The following SDK1 variants were observed in gnomAD, a reference collection of about 807,000 sequenced individuals.
SDK1 encodes protein sidekick-1.
In SDK1, 157 loss-of-function variants were observed where a neutral mutation model predicts 245.5. That is an observed-to-expected ratio of 0.64 (90% CI 0.56 to 0.73). The LOEUF (loss-of-function observed/expected upper bound fraction) is 0.73, where lower values mean the gene tolerates loss of function less well. Among genes scored for constraint, SDK1 ranks in the 30% least tolerant of loss-of-function variants. SDK1 has a pLI of 0.00. For missense variants in SDK1, 3,583 were observed against 3,002.3 expected (o/e 1.19, Z -4.52); for synonymous variants, 1,647 against 1,278.5 (o/e 1.29, Z -6.15).
At chr7:4,150,698 C>G (rs1250441757) in intron 30 of SDK1, among the ~76,000 whole-genome samples, 7 of 152,252 alleles carry the variant, frequency 4.6e-5, no homozygotes, top group African/African-American at 7.2e-5. Context: ...GAACACCACC[C>G]TGGCCCCACT....
At chr7:3,475,682 G>A (rs1327226902) in intron 1 of SDK1, among the ~76,000 whole-genome samples, 1 of 152,150 alleles carries the variant, frequency 6.6e-6, no homozygotes, top group Non-Finnish European at 1.5e-5. Context: ...GGGGAGAATG[G>A]TATTAAAAGT....
intron 1 of SDK1, among the ~76,000 whole-genome samples, chr7:3,557,001 A>C (rs1779608657): frequency 6.7e-6 from 1 of 149,362 alleles, no homozygotes; most frequent in South Asian, 2.2e-4. Context: ...AATATTAAAA[A>C]ATAAGGAAAG....
At chr7:3,716,616 C>T (rs985145463) in intron 4 of SDK1, among the ~76,000 whole-genome samples, 2 of 151,766 alleles carry the variant, frequency 1.3e-5, no homozygotes, top group African/African-American at 4.8e-5. Context: ...AAAAAATTAG[C>T]CAGGCGTGGT....
intron 1 of SDK1, among the ~76,000 whole-genome samples, chr7:3,356,090 G>A (rs1443421363): frequency 6.6e-6 from 1 of 152,152 alleles, no homozygotes; most frequent in African/African-American, 2.4e-5. Context: ...TGTAGCTTAT[G>A]AATTCCCATG....
At chr7:4,182,576 G>A (rs1158764778) in intron 35 of SDK1, among the ~76,000 whole-genome samples, 5 of 152,236 alleles carry the variant, frequency 3.3e-5, no homozygotes, top group African/African-American at 1.2e-4. Flanking sequence ...GTGTCTCATA[G>A]CAGGGCTGCA....
At chr7:3,558,910 C>T (rs1326068417) in intron 1 of SDK1, among the ~76,000 whole-genome samples, 1 of 152,092 alleles carries the variant, frequency 6.6e-6, no homozygotes, top group African/African-American at 2.4e-5. Flanking sequence ...GTATATTCTG[C>T]TACAAATTCA....
Position 3,988,911 on chromosome 7 carries a change from A to G in SDK1, c.2131+1589A>G, listed in dbSNP as rs375271271. On this transcript the variant is annotated intron_variant, in intron 14 of 44. Coordinates refer to ENST00000404826, the MANE Select transcript of SDK1 (RefSeq NM_152744.4). ...CTCAGCCTCCCGAGTAGCTGGGACT[A>G]CAGGCACCTGCCACCACGCCCAGCT... Among the ~76,000 whole-genome samples the G allele has an allele frequency of 2.0e-5, 3 of 152,232 alleles. No individual in the cohort carries two copies. In the South Asian group the frequency reaches 6.2e-4, roughly 32 times the overall value.
At chr7:3,820,884 G>A (rs577589644) in intron 4 of SDK1, among the ~76,000 whole-genome samples, 1 of 152,324 alleles carries the variant, frequency 6.6e-6, no homozygotes, top group Admixed American at 6.5e-5. Flanking sequence ...TGGTGAGATA[G>A]TACAGGTGAA....
rs573986338 is a variant in SDK1, at chr7:3,605,192, A to G, written c.299-13888A>G. Among the ~76,000 whole-genome samples the G allele has an allele frequency of 1.9e-4, 28 of 149,350 alleles. No individual in the cohort carries two copies. In the South Asian group the frequency reaches 3.0e-3, roughly 16 times the overall value. On this transcript the variant is annotated intron_variant, in intron 1 of 44. Transcript: ENST00000404826. ...AGGTGTGATGTCTACTGTATAATGT[A>G]ATTGTTTTCCACCTTGTGGTTTTGG...
intron 8 of SDK1, among the ~76,000 whole-genome samples, chr7:3,961,364 A>G (rs1371262987): frequency 6.6e-6 from 1 of 152,242 alleles, no homozygotes; most frequent in Non-Finnish European, 1.5e-5. Context: ...GGAAGACATT[A>G]TCTTGAGTTA....
intron 4 of SDK1, among the ~76,000 whole-genome samples, chr7:3,729,721 C>G (rs116352444): frequency 6.6e-6 from 1 of 152,146 alleles, no homozygotes; most frequent in Non-Finnish European, 1.5e-5. Context: ...ATGAGTCTAA[C>G]TTCTAGATCA....
chr7:3,889,710 G>A (rs1313386814), intron 5 of SDK1, among the ~76,000 whole-genome samples: 9 of 152,194 alleles, frequency 5.9e-5, no homozygotes, highest in Admixed American at 1.3e-4. Flanking sequence ...GGGTTTCATC[G>A]TGTTAGCCAG....
intron 5 of SDK1, among the ~76,000 whole-genome samples, chr7:3,847,212 C>G (rs1780302912): frequency 6.6e-6 from 1 of 152,130 alleles, no homozygotes; most frequent in Non-Finnish European, 1.5e-5. Flanking sequence ...GTGTGCCCTG[C>G]TGTCTAGATG....
At chr7:3,491,357 C>G (rs1342789688) in intron 1 of SDK1, among the ~76,000 whole-genome samples, 6 of 152,202 alleles carry the variant, frequency 3.9e-5, no homozygotes, top group African/African-American at 1.4e-4. Context: ...GGGTGGAACC[C>G]AGGCATCAGT....
In SDK1 at chr7:3,650,208, C is replaced by A. The variant is rs527412790; in HGVS notation, c.713+8103C>A. Among the ~76,000 whole-genome samples the A allele has an allele frequency of 1.5e-4, 23 of 152,240 alleles. No individual in the cohort carries two copies. The South Asian group carries it at 4.4e-3, about 29-fold the overall frequency. On this transcript the variant is annotated intron_variant, in intron 4 of 44. Transcript: ENST00000404826. The stretch of plus-strand genomic sequence containing the variant: ...GGGAGTACAGGTGTGAGTCACCATC[C>A]CTGGCCTAAGATTAATTATTTTAAC...
At chr7:4,258,004 G>A (rs1258250366) in intron 44 of SDK1, among the ~76,000 whole-genome samples, 1 of 152,194 alleles carries the variant, frequency 6.6e-6, no homozygotes, top group Non-Finnish European at 1.5e-5. Context: ...AGGAATCACT[G>A]CGAGTTGGAC....
At chr7:3,310,620 A>G (rs1364673051) in intron 1 of SDK1, among the ~76,000 whole-genome samples, 2 of 152,138 alleles carry the variant, frequency 1.3e-5, no homozygotes, top group East Asian at 1.9e-4. Context: ...GGGCAGCATG[A>G]TCATTAGTTT....
At chr7:3,861,690 T>G (rs1362610240) in intron 5 of SDK1, among the ~76,000 whole-genome samples, 1 of 152,172 alleles carries the variant, frequency 6.6e-6, no homozygotes, top group Non-Finnish European at 1.5e-5. Flanking sequence ...CTGAAGTAAT[T>G]CACCAAGATT....
chr7:3,400,269 C>T (rs1583801955), intron 1 of SDK1, among the ~76,000 whole-genome samples: 1 of 152,188 alleles, frequency 6.6e-6, no homozygotes, highest in East Asian at 1.9e-4. Context: ...CAGCAGCTTT[C>T]CTAAGATAAT....
Sources: allele counts gnomAD v4.1 joint callset (sites outside exome capture counted in the v4.1 genomes callset), GRCh38; gene constraint gnomAD v4.1.1; transcripts MANE v1.5; gene names NCBI Gene and HGNC (gene_info 2026-07-23, HGNC 2026-07-21).